NCAM2: variants seen among roughly 807,000 people sequenced by gnomAD.
NCAM2 encodes the protein neural cell adhesion molecule 2.
NCAM2 carries 30 observed loss-of-function variants against 98.1 expected under a neutral mutation model. The ratio of observed to expected loss-of-function variants is 0.31; its 90% CI spans 0.23 to 0.41. NCAM2 has a LOEUF of 0.41. Among genes scored for constraint, NCAM2 ranks in the 10% least tolerant of loss-of-function variants. NCAM2 has a pLI of 1.00. For synonymous variants in NCAM2, 368 were observed against 342.4 expected (o/e 1.07, Z -0.83); for missense variants, 867 against 1,005.8 (o/e 0.86, Z 1.87).
intron 12 of NCAM2, among the ~76,000 whole-genome samples, chr21:21,457,361 G>A (rs1255640430): frequency 1.3e-5 from 2 of 152,164 alleles, no homozygotes; most frequent in Non-Finnish European, 2.9e-5. Flanking sequence ...TGGCAAAGAG[G>A]TCTGACGCGG....
intron 1 of NCAM2, among the ~76,000 whole-genome samples, chr21:21,028,426 G>A (rs926952727): frequency 2.6e-5 from 4 of 152,108 alleles, no homozygotes; most frequent in Non-Finnish European, 5.9e-5. Context: ...CAGCTCTTTC[G>A]AGAGAAAACC....
chr21:21,339,955 G>C (rs1204942464), intron 8 of NCAM2, among the ~76,000 whole-genome samples: 3 of 151,596 alleles, frequency 2.0e-5, no homozygotes, highest in Admixed American at 1.3e-4. Context: ...TTTATAAAAT[G>C]TGAATGACAG....
chr21:21,017,024 A>G (rs1274624150), intron 1 of NCAM2, among the ~76,000 whole-genome samples: 1 of 152,162 alleles, frequency 6.6e-6, no homozygotes, highest in South Asian at 2.1e-4. Context: ...AAATATTTTT[A>G]TTGTTTTTAC....
chr21:21,214,072 T>C (rs2069767112), intron 1 of NCAM2, among the ~76,000 whole-genome samples: 1 of 152,166 alleles, frequency 6.6e-6, no homozygotes, highest in Non-Finnish European at 1.5e-5. Flanking sequence ...CAAAACTAAA[T>C]TCTAAATGTT....
At chr21:21,146,928 C>A in intron 1 of NCAM2, among the ~76,000 whole-genome samples, 1 of 134,538 alleles carries the variant, frequency 7.4e-6, no homozygotes, top group South Asian at 2.4e-4. Flanking sequence ...GAACTCATAC[C>A]GCTGCCTTCT....
chr21:21,342,396 G>A (rs2075066726), intron 8 of NCAM2, among the ~76,000 whole-genome samples: 2 of 152,160 alleles, frequency 1.3e-5, no homozygotes, highest in African/African-American at 2.4e-5. Flanking sequence ...GTTATGAGGA[G>A]GTTCAACTTT....
At chr21:21,062,764 T>G (rs2065349927) in intron 1 of NCAM2, among the ~76,000 whole-genome samples, 1 of 152,186 alleles carries the variant, frequency 6.6e-6, no homozygotes, top group South Asian at 2.1e-4. Flanking sequence ...ATGCCTCATA[T>G]CTGTGATTGA....
chr21:21,421,403 C>T (rs995839388), intron 11 of NCAM2, among the ~76,000 whole-genome samples: 1 of 132,678 alleles, frequency 7.5e-6, no homozygotes, highest in Non-Finnish European at 1.6e-5. Context: ...GAATATTTTT[C>T]AGCAATTTTC....
rs367987603 is a variant in NCAM2 at position 21,029,628 on chromosome 21, T to C, written c.55+31010T>C. On this transcript the variant is annotated intron_variant, in intron 1 of 17. Coordinates refer to ENST00000400546, the MANE Select transcript of NCAM2 (RefSeq NM_004540.5). The stretch of plus-strand genomic sequence containing the variant: ...CATTATATTTATTTTTTTATTATTG[T>C]TTATTTATTTTTTATTTTTTTGAGA... Among the ~76,000 whole-genome samples, 13 of 152,194 alleles carry C rather than the reference T, an allele frequency of 8.5e-5. No homozygotes were observed. In the East Asian group the frequency reaches 1.7e-3, roughly 20 times the overall value.
chr21:21,236,467 A>G (rs1267213831), intron 1 of NCAM2, among the ~76,000 whole-genome samples: 1 of 151,920 alleles, frequency 6.6e-6, no homozygotes, highest in Non-Finnish European at 1.5e-5. Context: ...TGCAAATGTG[A>G]AAGTAATTTT....
At chr21:21,238,669 C>A (rs2070941922) in intron 1 of NCAM2, among the ~76,000 whole-genome samples, 1 of 152,050 alleles carries the variant, frequency 6.6e-6, no homozygotes, top group Non-Finnish European at 1.5e-5. Flanking sequence ...AGGCCTACAT[C>A]AGAGCACTTT....
At chr21:21,040,603 A>T (rs1490774278) in intron 1 of NCAM2, among the ~76,000 whole-genome samples, 1 of 148,610 alleles carries the variant, frequency 6.7e-6, no homozygotes, top group Non-Finnish European at 1.5e-5. Context: ...GTTCAGTCTT[A>T]AAAAAAAAAG....
At chr21:21,059,805 G>A (rs1428548370) in intron 1 of NCAM2, among the ~76,000 whole-genome samples, 1 of 152,096 alleles carries the variant, frequency 6.6e-6, no homozygotes, top group Admixed American at 6.6e-5. Context: ...CCAATAGTAT[G>A]TAGCAGATAG....
At chr21:21,015,762 G>A (rs746099343) in intron 1 of NCAM2, among the ~76,000 whole-genome samples, 12 of 152,250 alleles carry the variant, frequency 7.9e-5, no homozygotes, top group Non-Finnish European at 1.6e-4. Context: ...GGAGCGCAAT[G>A]GCACGATCTC....
At position 21,199,414 on chromosome 21, in the gene NCAM2, T is replaced by G. The variant is rs371238483; in HGVS notation, c.56-81164T>G. Among the ~76,000 whole-genome samples the G allele has an allele frequency of 6.6e-5, 10 of 152,208 alleles. 1 individual carries two copies. Among genetic ancestry groups the G allele is most frequent in the Admixed American group, 4.6e-4 (7 of 15,282 alleles). ...AATTCGGACTTGTGTGGCTCAGACC[T>G]GGGTAGAGATGAAAAACCTCATGAC... On this transcript the variant is annotated intron_variant, in intron 1 of 17. Coordinates refer to ENST00000400546, the MANE Select transcript of NCAM2 (RefSeq NM_004540.5).
chr21:21,007,597 C>A (rs931950139), intron 1 of NCAM2, among the ~76,000 whole-genome samples: 1 of 152,110 alleles, frequency 6.6e-6, no homozygotes, highest in African/African-American at 2.4e-5. Context: ...TATAAGGTAA[C>A]TTCCACAAGT....
chr21:21,126,621 T>G (rs1276033063), intron 1 of NCAM2, among the ~76,000 whole-genome samples: 2 of 152,038 alleles, frequency 1.3e-5, no homozygotes, highest in Non-Finnish European at 2.9e-5. Flanking sequence ...ATATATTTGT[T>G]GAAGCACACT....
At chr21:21,417,172 T>C (rs2077012049) in intron 10 of NCAM2, among the ~76,000 whole-genome samples, 1 of 151,966 alleles carries the variant, frequency 6.6e-6, no homozygotes, top group Admixed American at 6.6e-5. Flanking sequence ...AAACACATTC[T>C]TCTCTGTTGA....
intron 16 of NCAM2, among the ~76,000 whole-genome samples, chr21:21,526,746 G>T (rs1292714002): frequency 6.6e-6 from 1 of 152,096 alleles, no homozygotes; most frequent in African/African-American, 2.4e-5. Context: ...CGATAAACAA[G>T]ACTTTGTGAT....
Sources: allele counts gnomAD v4.1 joint callset (sites outside exome capture counted in the v4.1 genomes callset), GRCh38; gene constraint gnomAD v4.1.1; transcripts MANE v1.5; gene names NCBI Gene and HGNC (gene_info 2026-07-23, HGNC 2026-07-21).